The following TACR3 variants were observed in gnomAD, a reference collection of about 807,000 sequenced individuals.
TACR3 encodes tachykinin receptor 3, also known as neuromedin-K receptor.
In TACR3, 34 loss-of-function variants were observed where a neutral mutation model predicts 35.0. That is an observed-to-expected ratio of 0.97 (90% confidence interval 0.74 to 1.30). The LOEUF (loss-of-function observed/expected upper bound fraction) is 1.30. Among genes scored for constraint, TACR3 ranks in the 50% most tolerant of loss-of-function variants. TACR3 has a pLI of 0.00. For missense variants in TACR3, 558 were observed against 591.7 expected (o/e 0.94, Z 0.59); for synonymous variants, 233 against 221.1 (o/e 1.05, Z -0.48).
intron 3 of TACR3, among the ~76,000 whole-genome samples, chr4:103,598,891 G>T (rs1269006728): frequency 6.6e-6 from 1 of 152,160 alleles, no homozygotes; most frequent in Non-Finnish European, 1.5e-5. Context: ...GTAGCATGAT[G>T]CCTCCAGCTT....
intron 3 of TACR3, among the ~76,000 whole-genome samples, chr4:103,599,087 C>T (rs1724120757): frequency 2.0e-5 from 3 of 152,178 alleles, no homozygotes; most frequent in African/African-American, 7.2e-5. Flanking sequence ...TACCCATGAA[C>T]ATGGAATGTT....
At chr4:103,670,514 A>G (rs1415684973) in intron 1 of TACR3, among the ~76,000 whole-genome samples, 2 of 151,654 alleles carry the variant, frequency 1.3e-5, no homozygotes, top group Non-Finnish European at 3.0e-5. Flanking sequence ...TTTCATCAAT[A>G]TAGAGATCTC....
chr4:103,693,424 G>T (rs1370934798), intron 1 of TACR3, among the ~76,000 whole-genome samples: 2 of 152,078 alleles, frequency 1.3e-5, no homozygotes, highest in Admixed American at 6.6e-5. Context: ...TTCTCAAATG[G>T]TTGTTCTGAT....
intron 1 of TACR3, among the ~76,000 whole-genome samples, chr4:103,671,789 G>C (rs900384931): frequency 2.6e-5 from 4 of 151,608 alleles, no homozygotes; most frequent in African/African-American, 9.7e-5. Context: ...TTCCCTCTTA[G>C]TCCTGCTTTT....
At chr4:103,636,377 G>T (rs74483943) in intron 3 of TACR3, among the ~76,000 whole-genome samples, 16,820 of 151,904 alleles carry the variant, frequency 0.11, 1,275 homozygotes, top group Non-Finnish European at 0.17. Flanking sequence ...TTTTTTCTGA[G>T]AATTAATTTT....
intron 1 of TACR3, among the ~76,000 whole-genome samples, chr4:103,677,751 T>G (rs192691206): frequency 2.0e-5 from 3 of 152,182 alleles, no homozygotes; most frequent in Admixed American, 2.0e-4. Context: ...GGATAACTAA[T>G]GGATGCTGGG....
intron 3 of TACR3, among the ~76,000 whole-genome samples, chr4:103,616,861 T>TCGATTAAGCCCAGGA (rs764751897): frequency 6.6e-5 from 10 of 152,152 alleles, no homozygotes; most frequent in Non-Finnish European, 1.5e-4. Flanking sequence ...GGTGGGCATG[T>TCGATTAAGCCCAGGA]CGATTAAGCC....
intron 1 of TACR3, among the ~76,000 whole-genome samples, chr4:103,690,573 T>C (rs895056987): frequency 1.3e-5 from 2 of 152,154 alleles, no homozygotes; most frequent in South Asian, 4.1e-4. Context: ...CTTTTACTAA[T>C]AGAAGAATTA....
chr4:103,615,294 C>G (rs1724623026), intron 3 of TACR3, among the ~76,000 whole-genome samples: 1 of 151,976 alleles, frequency 6.6e-6, no homozygotes, highest in Middle Eastern at 3.4e-3. Context: ...ATACTTCTGT[C>G]AAATTTCATA....
In TACR3 at chr4:103,589,761, G is replaced by C. The variant is rs1442131660; in HGVS notation, c.1319C>G (p.Ser440Cys). ...GGAGGCAGATTTGGAATTCCTGCGA[G>C]AGCAGCCATTGAAACTTGGGTCTCT... ...TPRDPSFNGC[S>C]RRNSKSASAT... is the part of the protein sequence containing the mutation. Residue 440 changes from serine to cysteine, a missense_variant, in exon 5 of 5, where the codon TCT (serine) becomes TGT (cysteine). Physicochemically the swap from Ser to Cys is moderately radical, Grantham distance 112. Coordinates refer to ENST00000304883, the MANE Select transcript of TACR3 (RefSeq NM_001059.3). 3.1e-6 allele frequency: 5 copies of C among 1,613,970 alleles called. No individual in the cohort carries two copies. Among genetic ancestry groups the C allele is most frequent in the East Asian group, 2.2e-5 (1 of 44,872 alleles).
At chr4:103,641,441 G>T (rs1725353932) in intron 3 of TACR3, among the ~76,000 whole-genome samples, 1 of 151,962 alleles carries the variant, frequency 6.6e-6, no homozygotes, top group Admixed American at 6.6e-5. Context: ...CCTCACACCT[G>T]TTAGAATGGC....
intron 3 of TACR3, among the ~76,000 whole-genome samples, chr4:103,616,772 C>T (rs1375232939): frequency 6.6e-6 from 1 of 152,032 alleles, no homozygotes; most frequent in Non-Finnish European, 1.5e-5. Context: ...CATAGTACAA[C>T]CCTGTCTCTA....
intron 3 of TACR3, among the ~76,000 whole-genome samples, chr4:103,612,386 C>T (rs992519609): frequency 6.6e-6 from 1 of 152,106 alleles, no homozygotes; most frequent in Non-Finnish European, 1.5e-5. Flanking sequence ...AAAACAACTC[C>T]GATTGCAATT....
At position 103,589,447 on chromosome 4, in the gene TACR3, A is replaced by T. The variant is rs1440269679; in HGVS notation, c.*235T>A. ...CATATTTTTGTTCATTGCATATAAT[A>T]ATTTAGAGTTTTCAAAGAATAAATT... is the stretch of plus-strand genomic sequence containing the variant. On this transcript the variant is annotated 3_prime_UTR_variant, in exon 5 of 5. Coordinates refer to ENST00000304883, the MANE Select transcript of TACR3 (RefSeq NM_001059.3). The T allele has an allele frequency of 7.9e-6, 4 of 505,802 alleles. No individual in the cohort carries two copies. Among genetic ancestry groups the T allele is most frequent in the Non-Finnish European group, 1.4e-5 (4 of 283,158 alleles). The allele number at this position is 505,802 out of a possible 1,614,324, so 31.3% of individuals were successfully genotyped here. A position where few individuals can be genotyped will look rare whatever the true frequency, so the allele number is the denominator to read the frequency against.
chr4:103,620,622 A>G (rs1254696469), intron 3 of TACR3, among the ~76,000 whole-genome samples: 6 of 152,218 alleles, frequency 3.9e-5, no homozygotes. Context: ...GGAGGTCGTT[A>G]TCCTAAACAA....
At chr4:103,686,471 A>G (rs1417070071) in intron 1 of TACR3, among the ~76,000 whole-genome samples, 1 of 152,146 alleles carries the variant, frequency 6.6e-6, no homozygotes, top group Non-Finnish European at 1.5e-5. Context: ...CAAACTGTCA[A>G]ACAAACACTC....
At chr4:103,596,322 C>T (rs962028134) in intron 3 of TACR3, among the ~76,000 whole-genome samples, 1 of 151,980 alleles carries the variant, frequency 6.6e-6, no homozygotes, top group African/African-American at 2.4e-5. Flanking sequence ...TGAGGAATCG[C>T]CACACTGACT....
intron 2 of TACR3, among the ~76,000 whole-genome samples, chr4:103,656,752 T>C (rs1230747422): frequency 1.3e-5 from 2 of 152,074 alleles, no homozygotes; most frequent in South Asian, 2.1e-4. Context: ...TTTTCTCCTA[T>C]ATAGGACTGT....
chr4:103,605,852 T>G (rs150170103), intron 3 of TACR3, among the ~76,000 whole-genome samples: 5,309 of 152,198 alleles, frequency 0.035, 336 homozygotes, highest in African/African-American at 0.12. Context: ...GTCAATTTTG[T>G]CTTTGGTTGC....
Sources: gnomAD v4.1 joint callset for allele counts (sites outside exome capture counted in the v4.1 genomes callset) on GRCh38, gnomAD v4.1.1 for gene constraint, MANE v1.5 for transcripts, NCBI Gene and HGNC (gene_info 2026-07-23, HGNC 2026-07-21) for gene names.